Variants in GAD1 observed in about 807,000 individuals in gnomAD.
GAD1 encodes the protein 67 kDa glutamic acid decarboxylase.
In GAD1, 35 loss-of-function variants were observed where a neutral mutation model predicts 75.2. That is an observed-to-expected ratio of 0.47 (90% confidence interval 0.36 to 0.62). GAD1 has a LOEUF of 0.62. Among genes scored for constraint, GAD1 ranks in the 20% least tolerant of loss-of-function variants. The probability of loss-of-function intolerance (pLI) is 0.00; values close to 1 mark genes in which losing one functional copy is unlikely to be tolerated. For synonymous variants in GAD1, 257 were observed against 271.9 expected (o/e 0.95, Z 0.54); for missense variants, 490 against 758.5 (o/e 0.65, Z 4.16).
chr2:170,854,050 A>G (rs746660419), intron 14 of GAD1, 28 bp downstream of exon 14: 4 of 1,613,854 alleles, frequency 2.5e-6, no homozygotes, highest in Non-Finnish European at 3.4e-6. Flanking sequence ...CAGGAAATAG[A>G]GCAGAAATGT....
At chr2:170,822,447 G>C (rs950830543) in intron 3 of GAD1, among the ~76,000 whole-genome samples, 1 of 152,222 alleles carries the variant, frequency 6.6e-6, no homozygotes, top group African/African-American at 2.4e-5. Context: ...GCCCCCGCGC[G>C]GCAACCCCGC....
At chr2:170,845,313 G>T in intron 7 of GAD1, 193 bp from the exon 8 acceptor site, 1 of 651,836 alleles carries the variant, frequency 1.5e-6, no homozygotes, top group Non-Finnish European at 2.8e-6. Context: ...GGTAATAAGT[G>T]TGACTACTTG....
At chr2:170,843,497 A>G (rs1269153950) in intron 6 of GAD1, among the ~76,000 whole-genome samples, 2 of 152,248 alleles carry the variant, frequency 1.3e-5, no homozygotes, top group East Asian at 1.9e-4. Flanking sequence ...TGAGATCTTT[A>G]AAACCTGGGT....
At chr2:170,831,215 C>T in intron 5 of GAD1, 23 bp downstream of exon 5, 1 of 1,613,482 alleles carries the variant, frequency 6.2e-7, no homozygotes, top group South Asian at 1.1e-5. Flanking sequence ...GTTGGGTAGA[C>T]AGGTAGTGGC....
chr2:170,822,066 T>C, intron 2 of GAD1, 21 bp from the exon 3 acceptor site: 1 of 1,598,406 alleles, frequency 6.3e-7, no homozygotes, highest in Non-Finnish European at 8.5e-7. Context: ...ACCGAACCTC[T>C]CTCCCTCTCT....
chr2:170,850,275 A>G (rs77394129), intron 12 of GAD1, among the ~76,000 whole-genome samples: 1,660 of 152,334 alleles, frequency 0.011, 27 homozygotes, highest in Admixed American at 0.031. Flanking sequence ...GTCTCATAGT[A>G]AAGAAAAATA....
intron 6 of GAD1, among the ~76,000 whole-genome samples, chr2:170,843,444 G>A (rs1056724022): frequency 1.4e-4 from 22 of 152,280 alleles, no homozygotes; most frequent in African/African-American, 5.3e-4. Context: ...AAACATAGCT[G>A]TCCTTGAGGA....
chr2:170,852,502 A>G (rs1365253795), intron 12 of GAD1: 2 of 598,650 alleles, frequency 3.3e-6, no homozygotes, highest in East Asian at 5.7e-5. Context: ...AATGTTAGCT[A>G]TTGTTAATAG....
At chr2:170,849,199 C>T (rs1702699713) in intron 11 of GAD1, 87 bp from the exon 12 acceptor site, 4 of 1,149,176 alleles carry the variant, frequency 3.5e-6, no homozygotes, top group South Asian at 1.3e-5. Flanking sequence ...CTTTCTTGCT[C>T]ATGTTTTAGT....
intron 3 of GAD1, among the ~76,000 whole-genome samples, chr2:170,825,429 G>A (rs928932247): frequency 3.3e-5 from 5 of 152,158 alleles, no homozygotes; most frequent in Non-Finnish European, 7.4e-5. Context: ...GAGCCCCTCC[G>A]TCTATGCATA....
intron 3 of GAD1, among the ~76,000 whole-genome samples, chr2:170,825,471 G>C (rs961393299): frequency 3.3e-5 from 5 of 152,342 alleles, no homozygotes; most frequent in Non-Finnish European, 7.4e-5. Flanking sequence ...GGTGAACAGA[G>C]AATGTGCTGG....
chr2:170,843,863 C>G, intron 6 of GAD1, 182 bp from the exon 7 acceptor site: 1 of 601,332 alleles, frequency 1.7e-6, no homozygotes, highest in Non-Finnish European at 3.0e-6. Context: ...GTAACCCAGG[C>G]TGGTTTCTGA....
intron 13 of GAD1, 122 bp downstream of exon 13, chr2:170,852,914 G>T: frequency 1.2e-6 from 1 of 819,118 alleles, no homozygotes. Flanking sequence ...GCCCCACTGA[G>T]AGACTACTGC....
In GAD1 at chr2:170,842,656, T is replaced by C. The variant is rs888186821; in HGVS notation, c.639-1389T>C. 4.3e-6 allele frequency: 7 copies of C among 1,613,870 alleles called. No homozygotes were observed. The African/African-American group carries it at 9.3e-5, about 22-fold the overall frequency. ...TGATTGTGACCTCCAGAGGTGATGG[T>C]AACTGCACACATGGTTTCCAAGGGT... On this transcript the variant is annotated intron_variant, in intron 6 of 16. Transcript: ENST00000358196.
chr2:170,851,051 AG>A (rs1702736106), intron 12 of GAD1, among the ~76,000 whole-genome samples: 1 of 152,132 alleles, frequency 6.6e-6, no homozygotes, highest in South Asian at 2.1e-4. Context: ...TGGATGAGCC[AG>A]CCCAATTTAA....
intron 2 of GAD1, among the ~76,000 whole-genome samples, chr2:170,821,077 T>C (rs892556305): frequency 2.6e-5 from 4 of 152,198 alleles, no homozygotes; most frequent in African/African-American, 9.7e-5. Context: ...GTTTAATGGA[T>C]GTCACTCTCC....
At chr2:170,849,249 C>T (rs1297908152) in intron 11 of GAD1, 37 bp from the exon 12 acceptor site, 27 of 1,583,556 alleles carry the variant, frequency 1.7e-5, no homozygotes, top group Non-Finnish European at 2.1e-5. Flanking sequence ...TTAAATGTCA[C>T]TGCTCCCCTC....
intron 11 of GAD1, 55 bp from the exon 12 acceptor site, chr2:170,849,231 T>G (rs1430503111): frequency 1.2e-5 from 18 of 1,497,374 alleles, no homozygotes; most frequent in African/African-American, 2.8e-5. Context: ...CTGACTAGTT[T>G]TAGATTCTTA....
chr2:170,844,287 G>T (rs1702584348), intron 7 of GAD1, 130 bp downstream of exon 7: 2 of 667,216 alleles, frequency 3.0e-6, no homozygotes, highest in African/African-American at 1.8e-5. Context: ...TTTTCAAGAT[G>T]AAGGCTAACA....
Sources: gnomAD v4.1 joint callset for allele counts (sites outside exome capture counted in the v4.1 genomes callset) on GRCh38, gnomAD v4.1.1 for gene constraint, MANE v1.5 for transcripts, NCBI Gene and HGNC (gene_info 2026-07-23, HGNC 2026-07-21) for gene names.